RBM6: variants seen among roughly 807,000 people sequenced by gnomAD.
RBM6 encodes RNA binding motif protein 6.
In RBM6, 23 loss-of-function variants were observed where a neutral mutation model predicts 140.4. That is an observed-to-expected ratio of 0.16 (90% CI 0.12 to 0.23). RBM6 has a LOEUF of 0.23. RBM6 is among the 10% of genes least tolerant of loss of function. The pLI, the probability that RBM6 is intolerant of heterozygous loss-of-function variation, is 1.00. For missense variants in RBM6, 1,139 were observed against 1,386.7 expected, an observed-to-expected ratio of 0.82 and a Z score of 2.84; for synonymous variants, 439 against 475.6, an observed-to-expected ratio of 0.92 and a Z score of 1.00.
intron 1 of RBM6, among the ~76,000 whole-genome samples, chr3:49,948,988 C>T (rs893454368): frequency 1.3e-5 from 2 of 150,596 alleles, no homozygotes; most frequent in Non-Finnish European, 3.0e-5. Context: ...TGCCACCACG[C>T]CTGGCTAATT....
At chr3:50,061,328 T>C in intron 13 of RBM6, 107 bp downstream of exon 13, 6 of 1,592,188 alleles carry the variant, frequency 3.8e-6, no homozygotes, top group Non-Finnish European at 5.1e-6. Flanking sequence ...TGACTGAGGG[T>C]GCTCATCCAG....
intron 15 of RBM6, 100 bp downstream of exon 15, chr3:50,062,208 T>A: frequency 7.2e-7 from 1 of 1,394,104 alleles, no homozygotes; most frequent in Non-Finnish European, 9.7e-7. Flanking sequence ...AAAGTAACTT[T>A]AAAAATACTC....
At chr3:50,016,826 T>TG (rs1553652626) in intron 6 of RBM6, among the ~76,000 whole-genome samples, 1 of 94,752 alleles carries the variant, frequency 1.1e-5, no homozygotes, top group Non-Finnish European at 2.2e-5. Flanking sequence ...TGCCTAGCGT[T>TG]TTTTTTTTTT....
chr3:49,991,294 T>C (rs1034919041), intron 5 of RBM6, among the ~76,000 whole-genome samples: 5 of 152,172 alleles, frequency 3.3e-5, no homozygotes, highest in African/African-American at 4.8e-5. Flanking sequence ...ATCAGGAAGC[T>C]CTCTGAGCCC....
At chr3:50,070,942 A>G (rs1215055224) in intron 19 of RBM6, among the ~76,000 whole-genome samples, 1 of 152,232 alleles carries the variant, frequency 6.6e-6, no homozygotes, top group African/African-American at 2.4e-5. Flanking sequence ...GATGTATGAT[A>G]TCTAGCTTCC....
chr3:49,972,291 G>A, intron 4 of RBM6, 143 bp downstream of exon 4: 1 of 658,282 alleles, frequency 1.5e-6, no homozygotes, highest in South Asian at 2.2e-5. Flanking sequence ...TTCCCTCAGT[G>A]TTAATATTTT....
At chr3:50,049,254 G>C (rs1474033561) in intron 7 of RBM6, among the ~76,000 whole-genome samples, 1 of 151,548 alleles carries the variant, frequency 6.6e-6, no homozygotes, top group Non-Finnish European at 1.5e-5. Context: ...GATTACAGTT[G>C]TGTGCCACCA....
intron 1 of RBM6, among the ~76,000 whole-genome samples, chr3:49,947,243 CT>C (rs2083529579): frequency 8.5e-6 from 1 of 118,032 alleles, no homozygotes; most frequent in Non-Finnish European, 1.6e-5. Flanking sequence ...CAGAGCGAGA[CT>C]CCGTCTCAAA....
chr3:50,014,970 A>G (rs979775057), intron 6 of RBM6, among the ~76,000 whole-genome samples: 3 of 143,660 alleles, frequency 2.1e-5, no homozygotes, highest in African/African-American at 7.8e-5. Context: ...AATTGCTTGA[A>G]CCCAGAAGGT....
At chr3:49,980,176 A>G (rs997133609) in intron 5 of RBM6, among the ~76,000 whole-genome samples, 2 of 149,792 alleles carry the variant, frequency 1.3e-5, no homozygotes, top group African/African-American at 4.9e-5. Context: ...TAATTTTTGT[A>G]TTTTTTTTAG....
intron 6 of RBM6, among the ~76,000 whole-genome samples, chr3:50,032,431 C>T (rs1039756250): frequency 2.1e-5 from 3 of 143,464 alleles, no homozygotes; most frequent in Non-Finnish European, 3.0e-5. Flanking sequence ...TTGCAGTGAG[C>T]GAAGGTCGTG....
chr3:50,038,477 G>A (rs1034743371), intron 6 of RBM6, among the ~76,000 whole-genome samples: 5 of 152,076 alleles, frequency 3.3e-5, no homozygotes, highest in Non-Finnish European at 7.4e-5. Flanking sequence ...ACTTTTTCCA[G>A]AAGAAAAGAG....
At chr3:50,064,952 G>A (rs755689500) in intron 15 of RBM6, 79 bp from the exon 16 acceptor site, 28 of 1,221,710 alleles carry the variant, frequency 2.3e-5, no homozygotes, top group Non-Finnish European at 3.1e-5. Flanking sequence ...GATTATAGGC[G>A]TGAGCCACCG....
chr3:50,024,615 T>C (rs1287500415), intron 6 of RBM6, among the ~76,000 whole-genome samples: 6 of 152,188 alleles, frequency 3.9e-5, no homozygotes, highest in Non-Finnish European at 7.3e-5. Context: ...CTTAGTGAAT[T>C]ATTCCAAAGT....
In RBM6 at chr3:49,991,953, T is replaced by G. The variant is rs11925088; in HGVS notation, c.1484-7487T>G. ...TTTTATTTTATTTTATTTTATTTAT[T>G]TATTTATTTATTTTTTGAGGCAGAG... On this transcript the variant is annotated intron_variant, in intron 5 of 20. Coordinates refer to ENST00000266022, the MANE Select transcript of RBM6 (RefSeq NM_005777.3). Among the ~76,000 whole-genome samples the G allele has an allele frequency of 5.0e-4, 75 of 151,510 alleles. No homozygotes were observed. The South Asian group carries it at 7.9e-3, about 16-fold the overall frequency.
intron 15 of RBM6, 143 bp downstream of exon 15, chr3:50,062,251 TC>T: frequency 1.0e-6 from 1 of 992,476 alleles, no homozygotes; most frequent in Non-Finnish European, 1.4e-6. Flanking sequence ...ACGCCTGTAA[TC>T]CCAGCACTTT....
chr3:49,962,549 C>T, intron 1 of RBM6, 27 bp from the exon 2 acceptor site: 1 of 1,118,920 alleles, frequency 8.9e-7, no homozygotes, highest in South Asian at 1.5e-5. Context: ...TTCTAAAGTA[C>T]TAATTTTTGT....
At chr3:50,066,941 T>C (rs1173389802) in intron 17 of RBM6, among the ~76,000 whole-genome samples, 1 of 152,044 alleles carries the variant, frequency 6.6e-6, no homozygotes, top group Non-Finnish European at 1.5e-5. Context: ...TCCCAGCACT[T>C]TGGGAGGCCA....
At chr3:50,032,856 A>C in intron 6 of RBM6, among the ~76,000 whole-genome samples, 1 of 151,146 alleles carries the variant, frequency 6.6e-6, no homozygotes, top group East Asian at 2.0e-4. Context: ...ATGGTGGTGC[A>C]TGCCTGTAAT....
Sources: gnomAD v4.1 joint callset for allele counts (sites outside exome capture counted in the v4.1 genomes callset) on GRCh38, gnomAD v4.1.1 for gene constraint, MANE v1.5 for transcripts, NCBI Gene and HGNC (gene_info 2026-07-23, HGNC 2026-07-21) for gene names.